ZFHX3: variants seen among roughly 807,000 people sequenced by gnomAD.
ZFHX3 encodes the protein zinc finger homeobox protein 3.
ZFHX3 carries 42 observed loss-of-function variants against 279.1 expected under a neutral mutation model. That is an observed-to-expected ratio of 0.15 (90% CI 0.12 to 0.19). The LOEUF (loss-of-function observed/expected upper bound fraction) is 0.19. ZFHX3 is among the 10% of genes least tolerant of loss of function. ZFHX3 has a pLI of 1.00. For missense variants in ZFHX3, 4,981 were observed against 4,754.0 expected (o/e 1.05, Z -1.40); for synonymous variants, 2,293 against 1,957.8 (o/e 1.17, Z -4.52).
chr16:73,273,981 A>G (rs1036643827), intron 4 of ZFHX3, among the ~76,000 whole-genome samples: 1 of 152,022 alleles, frequency 6.6e-6, no homozygotes, highest in Non-Finnish European at 1.5e-5. Context: ...CATCTCTACT[A>G]AAAATACAAA....
chr16:73,627,572 T>C (rs1341861020), intron 2 of ZFHX3, among the ~76,000 whole-genome samples: 1 of 152,174 alleles, frequency 6.6e-6, no homozygotes, highest in Non-Finnish European at 1.5e-5. Context: ...ACCCTTCTAA[T>C]CTATTTGTTC....
At chr16:73,713,955 A>G (rs962405526) in intron 1 of ZFHX3, among the ~76,000 whole-genome samples, 4 of 152,202 alleles carry the variant, frequency 2.6e-5, no homozygotes. Context: ...CATCAGAAGA[A>G]TAAGTACAGC....
At chr16:72,843,192 G>T (rs1048184819) in intron 4 of ZFHX3, among the ~76,000 whole-genome samples, 2 of 152,054 alleles carry the variant, frequency 1.3e-5, no homozygotes, top group Non-Finnish European at 1.5e-5. Context: ...GGAGACCAGG[G>T]ATTGGAGCAG....
intron 2 of ZFHX3, among the ~76,000 whole-genome samples, chr16:73,613,480 GAGATTCATACTGAAC>G (rs1177605570): frequency 6.6e-6 from 1 of 150,900 alleles, no homozygotes; most frequent in Non-Finnish European, 1.5e-5. Flanking sequence ...GCAGAAGTCT[GAGATTCATACTGAAC>G]AGTGCACTTA....
rs192421944 is a variant in ZFHX3, at chr16:73,365,863, C to T, written c.-1290-47527G>A. On this transcript the variant is annotated intron_variant, in intron 3 of 17. Transcript: ENST00000641206. Reference sequence around the variant, plus strand: ...CAGGCAAGAGGAATGTTCCAGGCAACGGAACCAGCACATACAAATTCACAG... The same window carrying T: ...CAGGCAAGAGGAATGTTCCAGGCAATGGAACCAGCACATACAAATTCACAG... Among the ~76,000 whole-genome samples the T allele has an allele frequency of 8.5e-5, 13 of 152,254 alleles. No homozygotes were observed. In the East Asian group the frequency reaches 1.2e-3, roughly 14 times the overall value.
intron 2 of ZFHX3, among the ~76,000 whole-genome samples, chr16:73,576,697 AAAAAAC>A (rs140278064): frequency 0.51 from 76,563 of 150,234 alleles, 21,738 homozygotes; most frequent in African/African-American, 0.78. Flanking sequence ...AAGAACATTA[AAAAAAC>A]AAAAACAAAA....
chr16:72,845,516 G>A (rs544646369), intron 4 of ZFHX3, among the ~76,000 whole-genome samples: 1 of 152,148 alleles, frequency 6.6e-6, no homozygotes, highest in Non-Finnish European at 1.5e-5. Context: ...TGGGCTCTCC[G>A]CCCCCAACTC....
intron 4 of ZFHX3, among the ~76,000 whole-genome samples, chr16:73,289,693 G>A (rs978372829): frequency 2.6e-5 from 4 of 151,992 alleles, no homozygotes; most frequent in Non-Finnish European, 5.9e-5. Flanking sequence ...GGCTGGTCTC[G>A]GTCCTACTGG....
At chr16:73,104,101 C>T (rs944566179) in intron 7 of ZFHX3, among the ~76,000 whole-genome samples, 9 of 151,922 alleles carry the variant, frequency 5.9e-5, no homozygotes, top group African/African-American at 2.2e-4. Flanking sequence ...GATCTCCATC[C>T]AGACTGTTAT....
intron 2 of ZFHX3, among the ~76,000 whole-genome samples, chr16:73,552,041 G>A (rs531944622): frequency 5.3e-5 from 8 of 152,192 alleles, no homozygotes; most frequent in Admixed American, 5.2e-4. Context: ...GAGAGAGAGA[G>A]AGACAGAGAG....
At chr16:73,148,882 G>T (rs1474298715) in intron 5 of ZFHX3, among the ~76,000 whole-genome samples, 1 of 151,838 alleles carries the variant, frequency 6.6e-6, no homozygotes, top group African/African-American at 2.4e-5. Flanking sequence ...GGGAGGTGGA[G>T]GCTGCAGTGA....
At chr16:73,714,678 T>G (rs1033931686) in intron 1 of ZFHX3, among the ~76,000 whole-genome samples, 4 of 152,214 alleles carry the variant, frequency 2.6e-5, no homozygotes, top group Admixed American at 6.5e-5. Flanking sequence ...GAACATGCTT[T>G]CCACCATTAC....
chr16:72,787,090 G>A lies in ZFHX3; in HGVS notation c.*74C>T. The A allele has an allele frequency of 9.2e-7, 1 of 1,090,812 alleles. No homozygotes were observed. The highest frequency in any genetic ancestry group is 1.2e-6 in the Non-Finnish European group (1 of 835,878). The allele number at this position is 1,090,812 out of a possible 1,614,324, so 67.6% of individuals were successfully genotyped here. Reference sequence around the variant, plus strand: ...GTTAGAAGCTTTGGAATTGCAGTTAGTCTATTTTTGAAATTGGTTTGTTAT... The same window carrying A: ...GTTAGAAGCTTTGGAATTGCAGTTAATCTATTTTTGAAATTGGTTTGTTAT... On this transcript the variant is annotated 3_prime_UTR_variant, in exon 10 of 10. Coordinates refer to ENST00000268489, the MANE Select transcript of ZFHX3 (RefSeq NM_006885.4).
chr16:73,241,790 CAAAA>C (rs60214410), intron 5 of ZFHX3, among the ~76,000 whole-genome samples: 84 of 51,278 alleles, frequency 1.6e-3, no homozygotes, highest in African/African-American at 5.1e-3. Flanking sequence ...AACTCCGTCT[CAAAA>C]AAAAAAAAAA....
chr16:72,881,435 G>T (rs1045157075), intron 4 of ZFHX3, among the ~76,000 whole-genome samples: 2 of 152,122 alleles, frequency 1.3e-5, no homozygotes, highest in African/African-American at 4.8e-5. Context: ...ACAGTTTGAA[G>T]GGGGTTCCTT....
chr16:73,226,298 C>G (rs924541571), intron 5 of ZFHX3, among the ~76,000 whole-genome samples: 1 of 152,208 alleles, frequency 6.6e-6, no homozygotes, highest in Non-Finnish European at 1.5e-5. Context: ...TGCAATAAGA[C>G]AGCGCGGAAC....
At chr16:73,516,639 C>T (rs2019527270) in intron 2 of ZFHX3, among the ~76,000 whole-genome samples, 1 of 152,108 alleles carries the variant, frequency 6.6e-6, no homozygotes, top group South Asian at 2.1e-4. Flanking sequence ...AACCAATATA[C>T]CCCAAACCAA....
At chr16:73,782,319 C>A (rs978095389) in intron 1 of ZFHX3, among the ~76,000 whole-genome samples, 1 of 152,194 alleles carries the variant, frequency 6.6e-6, no homozygotes, top group Non-Finnish European at 1.5e-5. Flanking sequence ...TTTTAGGTCA[C>A]AGAACGCTTT....
At chr16:73,390,009 G>A (rs1037200916) in intron 3 of ZFHX3, among the ~76,000 whole-genome samples, 1 of 152,118 alleles carries the variant, frequency 6.6e-6, no homozygotes, top group Admixed American at 6.5e-5. Context: ...GCAGTAAGCC[G>A]AGATTGCACC....
Sources: allele counts gnomAD v4.1 joint callset (sites outside exome capture counted in the v4.1 genomes callset), GRCh38; gene constraint gnomAD v4.1.1; transcripts MANE v1.5; gene names NCBI Gene and HGNC (gene_info 2026-07-23, HGNC 2026-07-21).